Variants in SLC12A9 observed in about 807,000 individuals in gnomAD.
The protein encoded by SLC12A9 is solute carrier family 12 member 9, also known as CCC-interacting protein 1.
A neutral mutation model predicts 66.0 loss-of-function variants in SLC12A9; 55 were observed. The observed-to-expected ratio is 0.83, with a 90% CI of 0.67 to 1.04. The LOEUF is 1.04. Ranked by LOEUF, SLC12A9 falls within the 50% of genes least tolerant of loss-of-function variation. SLC12A9 has a pLI of 0.00. For synonymous variants in SLC12A9, 577 were observed against 569.0 expected, an observed-to-expected ratio of 1.01 and a Z score of -0.20; for missense variants, 1,061 against 1,241.9, an observed-to-expected ratio of 0.85 and a Z score of 2.19.
chr7:100,827,351 C>G (rs985996601), intron 1 of SLC12A9: 2 of 151,030 alleles, frequency 1.3e-5, no homozygotes, highest in Non-Finnish European at 2.9e-5. Flanking sequence ...CTGAGCCGGC[C>G]GCTCGCGGTC....
Position 100,866,402 on chromosome 7 carries a change from G to A in SLC12A9, c.2542G>A (p.Gly848Ser), listed in dbSNP as rs889042248. 24 of 1,537,552 alleles carry A rather than the reference G, an allele frequency of 1.6e-5. No individual in the cohort carries two copies. The highest frequency in any genetic ancestry group is 4.0e-5 in the Admixed American group (2 of 50,018). ...NALVRAQQGR[G>S]TGGGPGGPEG... ...CCTGGTTCGGGCCCAGCAGGGGCGCGGCACAGGAGGAGGGCCGGGTGGGCC... is the reference window on the plus strand; with the variant it reads ...CCTGGTTCGGGCCCAGCAGGGGCGCAGCACAGGAGGAGGGCCGGGTGGGCC... Residue 848 changes from glycine to serine, a missense_variant, in exon 14 of 14, where the codon GGC becomes AGC. Gly to Ser is a moderately conservative substitution (Grantham distance 56). Transcript: ENST00000354161. This position sits in a 1 kb window ranked among gnomAD's most constrained non-coding sequence, Gnocchi z 7.3.
At position 100,857,101 on chromosome 7, in the gene SLC12A9, A is replaced by C. The variant is rs2116602377; in HGVS notation, c.682A>C (p.Asn228His). The stretch of plus-strand genomic sequence containing the variant: ...CCGCTTGACTCCTAGGCCTGGCCCC[A>C]ATGGCTCCTCCCTGCCGCCCCGGTT... ...DIRLTPRPGPNGSSLPPRFGH... is the reference protein window; with the variant it reads ...DIRLTPRPGPHGSSLPPRFGH... Residue 228 changes from asparagine to histidine, a missense_variant, in exon 5 of 14, where the codon AAT becomes CAT. Transcript: ENST00000354161. 6.2e-7 allele frequency: 1 copy of C among 1,614,056 alleles called. No homozygotes were observed. The highest frequency in any genetic ancestry group is 2.2e-5 in the East Asian group (1 of 44,862).
chr7:100,855,654 C>T (rs558041605), intron 3 of SLC12A9, 52 bp from the exon 4 acceptor site: 15 of 1,611,192 alleles, frequency 9.3e-6, no homozygotes, highest in Middle Eastern at 1.6e-4. Context: ...GCAACTTCCT[C>T]ACGTCCATTT....
In SLC12A9 at chr7:100,829,010, CAG is replaced by C. The variant is rs548374646; in HGVS notation, n.228+1966_228+1967del. On this transcript the variant is annotated intron_variant and non_coding_transcript_variant, in intron 1 of 1. Coordinates refer to the SLC12A9 transcript ENST00000461016. ...ACAGATTTTTTTTTTTTTTTTGAGA[CAG>C]AGTCTCCCTCTATTTCCCAGGCTGG... 3.3e-4 allele frequency among the ~76,000 whole-genome samples: 49 copies of C among 148,986 alleles called. No individual in the cohort carries two copies. The South Asian group carries it at 5.7e-3, about 17-fold the overall frequency.
intron 1 of SLC12A9, among the ~76,000 whole-genome samples, chr7:100,853,747 GA>G (rs1814218458): frequency 6.7e-6 from 1 of 149,244 alleles, no homozygotes; most frequent in African/African-American, 2.5e-5. Context: ...TTTTTCTTGT[GA>G]GACGGAGTCT....
intron 1 of SLC12A9, among the ~76,000 whole-genome samples, chr7:100,833,757 A>G (rs1813588464): frequency 6.6e-6 from 1 of 151,616 alleles, no homozygotes; most frequent in Admixed American, 6.6e-5. Flanking sequence ...ACATGGTGAA[A>G]CCCCATCTCT....
chr7:100,863,213 T>C lies in SLC12A9; in HGVS notation c.1858+386T>C, dbSNP rs187957649. On this transcript the variant is annotated intron_variant, in intron 13 of 13. Coordinates refer to ENST00000354161, the MANE Select transcript of SLC12A9 (RefSeq NM_020246.4). ...CCAAATATCTGGGACTATAGGCATG[T>C]GCTACCATACCTGGCTAATTTTTGT... Among the ~76,000 whole-genome samples the C allele has an allele frequency of 1.1e-3, 174 of 152,200 alleles. 1 individual carries two copies. The highest frequency in any genetic ancestry group is 3.9e-3 in the African/African-American group (162 of 41,528).
chr7:100,845,077 C>T lies in SLC12A9; in HGVS notation n.229-14808C>T, dbSNP rs576772010. Among the ~76,000 whole-genome samples, 11 of 151,910 alleles carry T rather than the reference C, an allele frequency of 7.2e-5. No homozygotes were observed. In the South Asian group the frequency reaches 1.7e-3, roughly 23 times the overall value. ...AAAATCACCCTGATCACTTCTAGGT[C>T]CTAAAAGCCTCAATCATTGGACAAT... On this transcript the variant is annotated intron_variant and non_coding_transcript_variant, in intron 1 of 1. Transcript: ENST00000461016.
rs190052506 is a variant in SLC12A9, at chr7:100,841,187, C to G, written n.228+14140C>G. On this transcript the variant is annotated intron_variant and non_coding_transcript_variant, in intron 1 of 1. Transcript: ENST00000461016. Reference sequence around the variant, plus strand: ...AAAGAAAGAAATATTTGTAATAAGTCAAAAAGTTGAAGAATATCGAAGAAT... The same window carrying G: ...AAAGAAAGAAATATTTGTAATAAGTGAAAAAGTTGAAGAATATCGAAGAAT... Among the ~76,000 whole-genome samples the G allele has an allele frequency of 6.0e-5, 9 of 150,262 alleles. No individual in the cohort carries two copies. In the East Asian group the frequency reaches 1.8e-3, roughly 29 times the overall value.
Position 100,861,829 on chromosome 7 carries a change from C to G in SLC12A9, c.1629C>G (p.Gly543=). Residue 543 remains glycine (G), a synonymous_variant, in exon 12 of 14, where the codon GGC becomes GGG. Coordinates refer to ENST00000354161, the MANE Select transcript of SLC12A9 (RefSeq NM_020246.4). This position sits in a 1 kb window ranked among gnomAD's most constrained non-coding sequence, Gnocchi z 5.3. ...TGCTCCTGGTGGGGAACCCCCGGGG[C>G]GCCCTGCCTCTGCTGCGGTTGGCCA... The part of the protein sequence containing the change: ...QLLLLVGNPR[G]ALPLLRLANQ... 1 of 1,614,032 alleles carries G rather than the reference C, an allele frequency of 6.2e-7. No individual in the cohort carries two copies. The highest frequency in any genetic ancestry group is 8.5e-7 in the Non-Finnish European group (1 of 1,179,966).
chr7:100,852,244 G>A (rs1311205917), upstream of SLC12A9, among the ~76,000 whole-genome samples: 1 of 152,222 alleles, frequency 6.6e-6, no homozygotes, highest in Non-Finnish European at 1.5e-5. Context: ...TGGATCGGGC[G>A]CGAAGGGAGG....
chr7:100,846,284 A>C (rs963074354), intron 1 of SLC12A9, among the ~76,000 whole-genome samples: 1 of 152,190 alleles, frequency 6.6e-6, no homozygotes, highest in Non-Finnish European at 1.5e-5. Context: ...GCTTCATTGC[A>C]GGCCGGGCGC....
At position 100,854,757 on chromosome 7, in the gene SLC12A9, A is replaced by G. The variant is rs1197314004; in HGVS notation, c.316+3A>G. On this transcript the variant is annotated splice_donor_region_variant and intron_variant, in intron 3 of 13. Transcript: ENST00000354161. ...CGTGCAGGGGGGCGGAGCCTACTGT[A>G]TCCTCCAACATCGATGGACTGGGGT... 15 of 1,613,810 alleles carry G rather than the reference A, an allele frequency of 9.3e-6. No individual in the cohort carries two copies. The highest frequency in any genetic ancestry group is 1.3e-5 in the Non-Finnish European group (15 of 1,179,988).
At chr7:100,840,742 G>C (rs1424643650) in intron 1 of SLC12A9, among the ~76,000 whole-genome samples, 1 of 150,216 alleles carries the variant, frequency 6.7e-6, no homozygotes, top group Non-Finnish European at 1.5e-5. Flanking sequence ...AAGAAAGAGA[G>C]ATATACAAGC....
intron 1 of SLC12A9, among the ~76,000 whole-genome samples, chr7:100,843,964 A>G (rs1584682705): frequency 6.6e-6 from 1 of 152,208 alleles, no homozygotes. Context: ...GGACGGAAGC[A>G]GCTTCGCCAG....
Position 100,859,030 on chromosome 7 carries a change from C to T in SLC12A9, c.866-20C>T, listed in dbSNP as rs1243350688. 13 of 1,612,696 alleles carry T rather than the reference C, an allele frequency of 8.1e-6. No individual in the cohort carries two copies. The highest frequency in any genetic ancestry group is 1.1e-5 in the South Asian group (1 of 91,076). On this transcript the variant is annotated intron_variant, in intron 6 of 13. Coordinates refer to ENST00000354161, the MANE Select transcript of SLC12A9 (RefSeq NM_020246.4). Reference sequence around the variant, plus strand: ...GATGGCTGGAGGGCTGACCTCACTCCCTCTGCTCCCCCTCTCCAGGGGAGC... The same window carrying T: ...GATGGCTGGAGGGCTGACCTCACTCTCTCTGCTCCCCCTCTCCAGGGGAGC...
At chr7:100,850,716 C>T (rs1030264345), upstream of SLC12A9, among the ~76,000 whole-genome samples, 1 of 149,870 alleles carries the variant, frequency 6.7e-6, no homozygotes, top group African/African-American at 2.4e-5. Flanking sequence ...TTTTCTTCTT[C>T]TTCTTCTTTT....
At chr7:100,835,594 G>C (rs776717588) in intron 1 of SLC12A9, among the ~76,000 whole-genome samples, 2 of 151,688 alleles carry the variant, frequency 1.3e-5, no homozygotes, top group Non-Finnish European at 2.9e-5. Flanking sequence ...AGGTTGCAGT[G>C]AGCTGAGATT....
chr7:100,861,198 G>C lies in SLC12A9; in HGVS notation c.1279G>C (p.Val427Leu). Residue 427 changes from valine to leucine, a missense_variant, in exon 10 of 14, where the codon GTG becomes CTG. Coordinates refer to ENST00000354161, the MANE Select transcript of SLC12A9 (RefSeq NM_020246.4). This position sits in a 1 kb window ranked among gnomAD's most constrained non-coding sequence, Gnocchi z 5.3. ...LAAVVTVFYL[V>L]AYAAVDLSCL... ...TGCTGTGGTCACTGTCTTCTACCTG[G>C]TGGCCTATGCTGCCGTGGACCTGTC... 1.9e-6 allele frequency: 3 copies of C among 1,614,226 alleles called. No homozygotes were observed. The highest frequency in any genetic ancestry group is 8.5e-7 in the Non-Finnish European group (1 of 1,180,040).
Sources: allele counts gnomAD v4.1 joint callset (sites outside exome capture counted in the v4.1 genomes callset), GRCh38; gene constraint gnomAD v4.1.1; non-coding constraint Gnocchi (gnomAD v3.1); transcripts MANE v1.5; gene names NCBI Gene and HGNC (gene_info 2026-07-23, HGNC 2026-07-21).